Variants in SERINC5 observed in about 807,000 individuals in gnomAD.
SERINC5 encodes chromosome 5 open reading frame 12.
SERINC5 carries 41 observed loss-of-function variants against 63.1 expected under a neutral mutation model. The ratio of observed to expected loss-of-function variants is 0.65; its 90% CI spans 0.51 to 0.84. The LOEUF is 0.84. Ranked by LOEUF, SERINC5 falls within the 40% of genes least tolerant of loss-of-function variation. The pLI, the probability that SERINC5 is intolerant of heterozygous loss-of-function variation, is 0.00. For synonymous variants in SERINC5, 222 were observed against 215.2 expected, an observed-to-expected ratio of 1.03 and a Z score of -0.28; for missense variants, 523 against 573.0, an observed-to-expected ratio of 0.91 and a Z score of 0.89.
intron 1 of SERINC5, among the ~76,000 whole-genome samples, chr5:80,230,710 G>A (rs933949687): frequency 2.0e-5 from 3 of 152,098 alleles, no homozygotes; most frequent in Non-Finnish European, 4.4e-5. Context: ...TTGGACTCTA[G>A]GAAATAAATT....
chr5:80,168,895 G>T (rs1277999327), intron 6 of SERINC5, among the ~76,000 whole-genome samples: 2 of 152,130 alleles, frequency 1.3e-5, no homozygotes, highest in Non-Finnish European at 2.9e-5. Flanking sequence ...GGGATGTCCT[G>T]CTTCCTGACT....
chr5:80,225,448 C>G (rs1284895224), intron 1 of SERINC5, among the ~76,000 whole-genome samples: 8 of 152,220 alleles, frequency 5.3e-5, no homozygotes, highest in Non-Finnish European at 1.2e-4. Flanking sequence ...CAACCTTCCT[C>G]TCATTCTATC....
At position 80,142,724 on chromosome 5, in the gene SERINC5, A is replaced by T; in HGVS notation, c.*939T>A. 1.0e-6 allele frequency: 1 copy of T among 985,470 alleles called. No homozygotes were observed. Among genetic ancestry groups the T allele is most frequent in the Non-Finnish European group, 1.2e-6 (1 of 829,934 alleles). The allele number at this position is 985,470 out of a possible 1,614,324, so 61.0% of individuals were successfully genotyped here. Reference sequence around the variant, plus strand: ...AAAAAACTGAGGGGCTGACCTCAACAACTGAAAGAGCAGTGCATGCAGCAG... The same window carrying T: ...AAAAAACTGAGGGGCTGACCTCAACTACTGAAAGAGCAGTGCATGCAGCAG... On this transcript the variant is annotated 3_prime_UTR_variant, in exon 12 of 12. Coordinates refer to ENST00000507668, the MANE Select transcript of SERINC5 (RefSeq NM_001174072.3).
At chr5:80,181,243 C>A (rs901779187) in intron 2 of SERINC5, among the ~76,000 whole-genome samples, 1 of 152,206 alleles carries the variant, frequency 6.6e-6, no homozygotes, top group Admixed American at 6.5e-5. Flanking sequence ...ACAAAGAGTT[C>A]CATTTTCTCC....
At chr5:80,164,287 C>T (rs1037223167) in intron 7 of SERINC5, among the ~76,000 whole-genome samples, 1 of 151,662 alleles carries the variant, frequency 6.6e-6, no homozygotes, top group Admixed American at 6.6e-5. Flanking sequence ...TTTCAACAAA[C>T]CACCTTTTTT....
intron 2 of SERINC5, among the ~76,000 whole-genome samples, chr5:80,194,183 T>A (rs1749361827): frequency 6.6e-6 from 1 of 152,178 alleles, no homozygotes; most frequent in Admixed American, 6.5e-5. Flanking sequence ...CATTCCAGAA[T>A]CAAAGAACTG....
At chr5:80,199,930 T>TA (rs1320756350) in intron 2 of SERINC5, among the ~76,000 whole-genome samples, 6 of 152,072 alleles carry the variant, frequency 3.9e-5, no homozygotes, top group South Asian at 4.1e-4. Context: ...CTGTATTACT[T>TA]AAAAAAACAC....
intron 2 of SERINC5, among the ~76,000 whole-genome samples, chr5:80,188,222 G>A (rs76658552): frequency 6.9e-6 from 1 of 145,408 alleles, no homozygotes; most frequent in Admixed American, 7.1e-5. Context: ...GGCGGGGTTT[G>A]CAGTGCGCTG....
intron 1 of SERINC5, among the ~76,000 whole-genome samples, chr5:80,231,992 C>T (rs548200439): frequency 7.3e-5 from 11 of 151,052 alleles, no homozygotes; most frequent in African/African-American, 2.4e-4. Context: ...GTCCCAGCTA[C>T]ATGAGAGGCT....
chr5:80,220,670 C>T (rs1354320663), intron 1 of SERINC5, among the ~76,000 whole-genome samples: 2 of 152,084 alleles, frequency 1.3e-5, no homozygotes, highest in East Asian at 1.9e-4. Flanking sequence ...TGATTGATGC[C>T]GCCTCTGAGG....
intron 1 of SERINC5, among the ~76,000 whole-genome samples, chr5:80,221,060 A>T (rs1203834349): frequency 6.6e-6 from 1 of 152,178 alleles, no homozygotes; most frequent in Non-Finnish European, 1.5e-5. Flanking sequence ...AAGAGCAGAG[A>T]GCACTCGGCC....
chr5:80,236,917 T>C lies in SERINC5; in HGVS notation c.27+18979A>G, dbSNP rs1191760365. 4.6e-5 allele frequency among the ~76,000 whole-genome samples: 7 copies of C among 152,166 alleles called. No homozygotes were observed. In the East Asian group the frequency reaches 1.4e-3, roughly 30 times the overall value. On this transcript the variant is annotated intron_variant, in intron 1 of 11. Transcript: ENST00000507668. ...CAGGCTGGAGTGCAATGGTGCATTG[T>C]CATCTCACTGAAACCTCCATTTCCC...
At chr5:80,168,162 A>T (rs941737658) in intron 6 of SERINC5, among the ~76,000 whole-genome samples, 5 of 152,106 alleles carry the variant, frequency 3.3e-5, no homozygotes, top group African/African-American at 1.2e-4. Flanking sequence ...TGGTCTTAAA[A>T]TTTTTAATAG....
intron 5 of SERINC5, among the ~76,000 whole-genome samples, chr5:80,174,011 T>C (rs948540724): frequency 6.6e-6 from 1 of 151,988 alleles, no homozygotes; most frequent in African/African-American, 2.4e-5. Context: ...CCAAACACAT[T>C]ATTTAAGTGT....
intron 2 of SERINC5, among the ~76,000 whole-genome samples, chr5:80,192,672 A>C (rs190630575): frequency 6.6e-6 from 1 of 152,324 alleles, no homozygotes; most frequent in East Asian, 1.9e-4. Flanking sequence ...GTCGAAAGAT[A>C]ATTTTAGATC....
intron 9 of SERINC5, 102 bp downstream of exon 9, chr5:80,150,780 A>C (rs1330068235): frequency 2.7e-5 from 23 of 851,366 alleles, no homozygotes; most frequent in Middle Eastern, 2.2e-4. Context: ...GCAGAAAAAC[A>C]GGATCACGGA....
At chr5:80,153,824 A>G (rs896823989) in intron 8 of SERINC5, among the ~76,000 whole-genome samples, 8 of 151,712 alleles carry the variant, frequency 5.3e-5, no homozygotes, top group African/African-American at 1.9e-4. Flanking sequence ...AAAAAAAAAG[A>G]AAAGCCGTGT....
At position 80,139,606 on chromosome 5, in the gene SERINC5, G is replaced by GAGAGAGAGAGAGAGAT. The variant is rs529718750; in HGVS notation, c.*4056_*4057insATCTCTCTCTCTCTCT. The GAGAGAGAGAGAGAGAT allele has an allele frequency of 1.0e-6, 1 of 985,132 alleles. No homozygotes were observed. Among genetic ancestry groups the GAGAGAGAGAGAGAGAT allele is most frequent in the African/African-American group, 1.7e-5 (1 of 57,156 alleles). 61.0% of individuals were successfully genotyped at this position (985,132 alleles called of 1,614,324 possible). A position where few individuals can be genotyped will look rare whatever the true frequency, so the allele number is the denominator to read the frequency against. Reference sequence around the variant, plus strand: ...GTTGAGAAAGAAGAAAAGAGAGAGAGAGAGAAAGGTCTAAACATCTGTGTG... The same window carrying GAGAGAGAGAGAGAGAT: ...GTTGAGAAAGAAGAAAAGAGAGAGAGAGAGAGAGAGAGAGATAGAGAAAGGTCTAAACATCTGTGTG... On this transcript the variant is annotated 3_prime_UTR_variant, in exon 12 of 12. Transcript: ENST00000507668.
chr5:80,163,452 TATG>T (rs1271489748), intron 7 of SERINC5, among the ~76,000 whole-genome samples: 1 of 152,174 alleles, frequency 6.6e-6, no homozygotes, highest in African/African-American at 2.4e-5. Flanking sequence ...CCCCACTCAG[TATG>T]ATACTGGCTG....
Sources: allele counts gnomAD v4.1 joint callset (sites outside exome capture counted in the v4.1 genomes callset), GRCh38; gene constraint gnomAD v4.1.1; transcripts MANE v1.5; gene names NCBI Gene and HGNC (gene_info 2026-07-23, HGNC 2026-07-21).